The following MGMT variants were observed in gnomAD, a reference collection of about 807,000 sequenced individuals.
MGMT encodes O-6-methylguanine-DNA methyltransferase, also known as methylated-DNA--protein-cysteine methyltransferase.
A neutral mutation model predicts 15.9 loss-of-function variants in MGMT; 14 were observed. That is an observed-to-expected ratio of 0.88 (90% CI 0.58 to 1.37). MGMT has a LOEUF of 1.37. MGMT is among the 40% of genes most tolerant of loss of function. MGMT has a pLI of 0.00. For missense variants in MGMT, 282 were observed against 268.1 expected (o/e 1.05, Z -0.36); for synonymous variants, 130 against 118.2 (o/e 1.10, Z -0.65).
chr10:129,582,248 C>T (rs898270742), intron 2 of MGMT, among the ~76,000 whole-genome samples: 1 of 152,198 alleles, frequency 6.6e-6, no homozygotes, highest in Non-Finnish European at 1.5e-5. Flanking sequence ...TACTCCACCC[C>T]GCCTTCTACC....
chr10:129,703,818 C>CTG (rs947971183), intron 2 of MGMT, among the ~76,000 whole-genome samples: 3 of 152,192 alleles, frequency 2.0e-5, no homozygotes. Flanking sequence ...CCCTCGAACC[C>CTG]TGAAGGAGAT....
At position 129,477,576 on chromosome 10, in the gene MGMT, A is replaced by T. The variant is rs375219595; in HGVS notation, c.-13+10280A>T. ...AGAGAAAGAGAGGATCTTTTTTCTTAGAAGAGAAAGAGAGGATCTCTCCCT... is the reference window on the plus strand; with the variant it reads ...AGAGAAAGAGAGGATCTTTTTTCTTTGAAGAGAAAGAGAGGATCTCTCCCT... On this transcript the variant is annotated intron_variant, in intron 1 of 4. Transcript: ENST00000651593. Among the ~76,000 whole-genome samples, 51 of 141,442 alleles carry T rather than the reference A, an allele frequency of 3.6e-4. 1 individual carries two copies. Among genetic ancestry groups the T allele is most frequent in the African/African-American group, 1.5e-3 (48 of 32,500 alleles). 92.8% of individuals were successfully genotyped at this position (141,442 alleles called of 152,430 possible).
At chr10:129,536,769 C>A (rs1178453335) in intron 2 of MGMT, 1 of 154,850 alleles carries the variant, frequency 6.5e-6, no homozygotes, top group Non-Finnish European at 1.4e-5. Flanking sequence ...AAAAAAAAAG[C>A]CCAGATCAGC....
chr10:129,688,629 C>T (rs1847936633), intron 2 of MGMT, among the ~76,000 whole-genome samples: 1 of 152,068 alleles, frequency 6.6e-6, no homozygotes, highest in Admixed American at 6.5e-5. Context: ...AAATTTTCTC[C>T]CATTCTGTAG....
chr10:129,599,121 A>G (rs1846787348), intron 2 of MGMT, among the ~76,000 whole-genome samples: 1 of 152,250 alleles, frequency 6.6e-6, no homozygotes, highest in South Asian at 2.1e-4. Flanking sequence ...TCAGATGGAC[A>G]GAAAAAGGAA....
At chr10:129,552,464 AGCCTTCAAT>A (rs1846168473) in intron 2 of MGMT, among the ~76,000 whole-genome samples, 1 of 152,228 alleles carries the variant, frequency 6.6e-6, no homozygotes, top group African/African-American at 2.4e-5. Flanking sequence ...TGGCCTTCAA[AGCCTTCAAT>A]GTCACAGAAT....
chr10:129,471,668 G>C (rs1300932990), intron 1 of MGMT, among the ~76,000 whole-genome samples: 2 of 152,134 alleles, frequency 1.3e-5, no homozygotes, highest in African/African-American at 4.8e-5. Context: ...GTGCTGGCTA[G>C]AGAGGTCTCT....
At chr10:129,645,477 G>A (rs1010367981) in intron 2 of MGMT, among the ~76,000 whole-genome samples, 73 of 152,300 alleles carry the variant, frequency 4.8e-4, no homozygotes, top group African/African-American at 1.6e-3. Flanking sequence ...CCACGGTGAG[G>A]TTGTGTTTGG....
chr10:129,759,827 G>C (rs1012752412), intron 4 of MGMT, among the ~76,000 whole-genome samples: 2 of 152,142 alleles, frequency 1.3e-5, no homozygotes, highest in African/African-American at 4.8e-5. Flanking sequence ...CACTCCCCCT[G>C]AGGCCCAGGG....
intron 1 of MGMT, among the ~76,000 whole-genome samples, chr10:129,509,364 C>G (rs989128232): frequency 6.6e-6 from 1 of 152,168 alleles, no homozygotes; most frequent in Non-Finnish European, 1.5e-5. Context: ...ACGCCCAGCA[C>G]ACACCAGGCC....
At chr10:129,563,860 A>G (rs1336277222) in intron 2 of MGMT, 1 of 152,260 alleles carries the variant, frequency 6.6e-6, no homozygotes, top group African/African-American at 2.4e-5. Context: ...CACTGCGTTA[A>G]TGGCCTCAGT....
At chr10:129,579,642 A>G (rs1418820876) in intron 2 of MGMT, among the ~76,000 whole-genome samples, 1 of 152,230 alleles carries the variant, frequency 6.6e-6, no homozygotes, top group Non-Finnish European at 1.5e-5. Context: ...GACACATGGA[A>G]CGAGCATGGC....
intron 1 of MGMT, among the ~76,000 whole-genome samples, chr10:129,503,726 T>A (rs1845597739): frequency 6.6e-6 from 1 of 152,256 alleles, no homozygotes; most frequent in African/African-American, 2.4e-5. Context: ...TGTTTCTGGC[T>A]TCAGCTTTTC....
At chr10:129,592,658 A>G (rs138509460) in intron 2 of MGMT, among the ~76,000 whole-genome samples, 4,947 of 152,278 alleles carry the variant, frequency 0.032, 132 homozygotes, top group South Asian at 0.065. Context: ...GGCCCAAGGT[A>G]GATTTTCTTC....
intron 2 of MGMT, among the ~76,000 whole-genome samples, chr10:129,602,510 G>A (rs1317359379): frequency 6.6e-6 from 1 of 152,300 alleles, no homozygotes; most frequent in South Asian, 2.1e-4. Context: ...ACTGTGCCTT[G>A]TGAACTTACA....
At chr10:129,511,728 G>A (rs138598837) in intron 1 of MGMT, among the ~76,000 whole-genome samples, 5 of 152,302 alleles carry the variant, frequency 3.3e-5, no homozygotes, top group African/African-American at 1.2e-4. Flanking sequence ...GCTCTGAATA[G>A]GTTAACAAGA....
chr10:129,542,594 A>G (rs1440812495), intron 2 of MGMT, among the ~76,000 whole-genome samples: 2 of 152,184 alleles, frequency 1.3e-5, no homozygotes, highest in African/African-American at 4.8e-5. Flanking sequence ...GCTTTTCCTC[A>G]GTGCCGTGAA....
intron 2 of MGMT, among the ~76,000 whole-genome samples, chr10:129,674,982 G>A (rs1361047717): frequency 1.3e-5 from 2 of 152,216 alleles, no homozygotes; most frequent in Admixed American, 6.5e-5. Flanking sequence ...CATCGTGGGA[G>A]CATTTATCAG....
intron 3 of MGMT, among the ~76,000 whole-genome samples, chr10:129,715,017 C>T (rs560345353): frequency 9.9e-5 from 15 of 152,188 alleles, no homozygotes; most frequent in Non-Finnish European, 1.5e-4. Flanking sequence ...TTCCGTGAGT[C>T]GGGGGTAAAG....
Sources: gnomAD v4.1 joint callset for allele counts (sites outside exome capture counted in the v4.1 genomes callset) on GRCh38, gnomAD v4.1.1 for gene constraint, MANE v1.5 for transcripts, NCBI Gene and HGNC (gene_info 2026-07-23, HGNC 2026-07-21) for gene names.